CEP112: variants seen among roughly 807,000 people sequenced by gnomAD.
CEP112 encodes centrosomal protein of 112 kDa.
Under a neutral mutation model 153.0 loss-of-function variants are expected in CEP112, and 127 were observed. The ratio of observed to expected loss-of-function variants is 0.83; its 90% CI spans 0.72 to 0.96. The LOEUF is 0.96. Among genes scored for constraint, CEP112 ranks in the 40% least tolerant of loss-of-function variants. The probability of loss-of-function intolerance (pLI) is 0.00; values close to 1 mark genes in which losing one functional copy is unlikely to be tolerated. For synonymous variants in CEP112, 358 were observed against 374.4 expected, an observed-to-expected ratio of 0.96 and a Z score of 0.51; for missense variants, 1,089 against 1,101.2, an observed-to-expected ratio of 0.99 and a Z score of 0.16.
intron 24 of CEP112, among the ~76,000 whole-genome samples, chr17:65,670,702 A>G (rs1192388485): frequency 2.0e-5 from 3 of 152,228 alleles, no homozygotes; most frequent in African/African-American, 7.2e-5. Flanking sequence ...AAGCTTCACT[A>G]AAAAGGTCAG....
intron 20 of CEP112, among the ~76,000 whole-genome samples, chr17:65,901,605 ATG>A (rs1483086690): frequency 6.6e-6 from 1 of 152,134 alleles, no homozygotes; most frequent in African/African-American, 2.4e-5. Context: ...GCTAGGAGGC[ATG>A]TGTGTGTGCA....
At position 66,188,501 on chromosome 17, in the gene CEP112, G is replaced by A. The variant is rs917139522; in HGVS notation, c.-9+3496C>T. 2.7e-5 allele frequency among the ~76,000 whole-genome samples: 4 copies of A among 146,418 alleles called. No homozygotes were observed. The South Asian group carries it at 8.8e-4, about 32-fold the overall frequency. On this transcript the variant is annotated intron_variant, in intron 1 of 26. Coordinates refer to ENST00000535342, the MANE Select transcript of CEP112 (RefSeq NM_001199165.4). Reference sequence around the variant, plus strand: ...GCAGCTCAAATGTCACCTGAGTGAAGCTGGCCCCCCCTTGCCCTAGACTGG... The same window carrying A: ...GCAGCTCAAATGTCACCTGAGTGAAACTGGCCCCCCCTTGCCCTAGACTGG...
chr17:65,924,140 C>T (rs765909032), intron 19 of CEP112, among the ~76,000 whole-genome samples: 9 of 152,056 alleles, frequency 5.9e-5, no homozygotes, highest in Admixed American at 6.5e-5. Flanking sequence ...CCATGCCCGG[C>T]TAATTTTTTG....
At chr17:65,843,333 A>G (rs529687359) in intron 21 of CEP112, among the ~76,000 whole-genome samples, 74 of 152,296 alleles carry the variant, frequency 4.9e-4, no homozygotes, top group Non-Finnish European at 3.1e-4. Flanking sequence ...ATATTTGTGG[A>G]ACATAATAAA....
At chr17:66,127,464 T>G (rs1308989933) in intron 6 of CEP112, among the ~76,000 whole-genome samples, 1 of 152,208 alleles carries the variant, frequency 6.6e-6, no homozygotes, top group Non-Finnish European at 1.5e-5. Flanking sequence ...GTTTTTCTTT[T>G]GATTTATTAT....
intron 6 of CEP112, among the ~76,000 whole-genome samples, chr17:66,105,121 C>T (rs2068728655): frequency 6.6e-6 from 1 of 152,034 alleles, no homozygotes; most frequent in African/African-American, 2.4e-5. Context: ...ATAGAAACAA[C>T]AAAAAGTTAA....
At chr17:66,156,151 C>A (rs1003549500) in intron 4 of CEP112, among the ~76,000 whole-genome samples, 2 of 152,120 alleles carry the variant, frequency 1.3e-5, no homozygotes, top group Non-Finnish European at 1.5e-5. Flanking sequence ...TGGCATCTGG[C>A]GGATGCCCCT....
At chr17:65,821,509 TATAATTA>T (rs2056544117) in intron 21 of CEP112, among the ~76,000 whole-genome samples, 2 of 117,316 alleles carry the variant, frequency 1.7e-5, no homozygotes, top group African/African-American at 6.3e-5. Context: ...TATATATATA[TATAATTA>T]TATATATATA....
At chr17:65,943,296 T>G (rs1394924812) in intron 18 of CEP112, among the ~76,000 whole-genome samples, 2 of 152,234 alleles carry the variant, frequency 1.3e-5, no homozygotes, top group Non-Finnish European at 2.9e-5. Flanking sequence ...CAACATGTCT[T>G]ATATGTATGT....
At chr17:65,887,121 A>G (rs1029193299) in intron 20 of CEP112, among the ~76,000 whole-genome samples, 1 of 152,178 alleles carries the variant, frequency 6.6e-6, no homozygotes, top group African/African-American at 2.4e-5. Context: ...TTCCCCACCA[A>G]TGGATATGCC....
intron 8 of CEP112, among the ~76,000 whole-genome samples, chr17:66,076,534 C>T (rs2067505690): frequency 6.6e-6 from 1 of 152,124 alleles, no homozygotes; most frequent in South Asian, 2.1e-4. Flanking sequence ...CCCTATCCCC[C>T]ACAGCAGCCA....
At position 66,027,498 on chromosome 17, in the gene CEP112, T is replaced by G; in HGVS notation, c.1656+3A>C. 1.5e-6 allele frequency: 2 copies of G among 1,345,480 alleles called. No individual in the cohort carries two copies. The highest frequency in any genetic ancestry group is 2.0e-6 in the Non-Finnish European group (2 of 1,007,854). 83.3% of individuals were successfully genotyped at this position (1,345,480 alleles called of 1,614,324 possible). A position where few individuals can be genotyped will look rare whatever the true frequency, so the allele number is the denominator to read the frequency against. On this transcript the variant is annotated splice_donor_region_variant and intron_variant, in intron 16 of 26. Transcript: ENST00000535342. ...ATTTTATAGCTTCCATAAAACATAT[T>G]ACCTTTTTTTCATAGATGTGTTTTA...
chr17:66,060,918 T>C (rs1353953156), intron 11 of CEP112, among the ~76,000 whole-genome samples: 5 of 148,040 alleles, frequency 3.4e-5, no homozygotes, highest in Non-Finnish European at 7.5e-5. Context: ...CAAATGGGAT[T>C]ACATCAAACT....
intron 6 of CEP112, among the ~76,000 whole-genome samples, chr17:66,109,249 T>A (rs1388156487): frequency 6.6e-6 from 1 of 152,146 alleles, no homozygotes; most frequent in South Asian, 2.1e-4. Flanking sequence ...TGAACATTTT[T>A]AAATAACTAT....
chr17:66,137,313 A>G (rs570378642), intron 4 of CEP112, among the ~76,000 whole-genome samples: 29 of 152,256 alleles, frequency 1.9e-4, no homozygotes, highest in African/African-American at 7.0e-4. Flanking sequence ...AATGTTTTTA[A>G]AAGACTGAAG....
At chr17:65,707,293 C>G (rs974784476) in intron 23 of CEP112, among the ~76,000 whole-genome samples, 4 of 152,052 alleles carry the variant, frequency 2.6e-5, no homozygotes, top group African/African-American at 7.2e-5. Flanking sequence ...CAAAGAAAAA[C>G]CTTAAAAACA....
At chr17:65,968,040 CAG>C (rs2062478651) in intron 17 of CEP112, among the ~76,000 whole-genome samples, 2 of 151,988 alleles carry the variant, frequency 1.3e-5, no homozygotes, top group African/African-American at 2.4e-5. Context: ...ACCATATATG[CAG>C]AGTTTACATA....
At chr17:66,163,411 A>G (rs552125310) in intron 4 of CEP112, among the ~76,000 whole-genome samples, 2 of 152,328 alleles carry the variant, frequency 1.3e-5, no homozygotes, top group African/African-American at 2.4e-5. Context: ...TTCTTTGGGT[A>G]TATTACTAAA....
At chr17:66,162,459 T>A (rs1043592373) in intron 4 of CEP112, among the ~76,000 whole-genome samples, 6 of 152,176 alleles carry the variant, frequency 3.9e-5, no homozygotes, top group Non-Finnish European at 8.8e-5. Context: ...CTCAAAAAAA[T>A]GTGTATACTT....
Sources: allele counts gnomAD v4.1 joint callset (sites outside exome capture counted in the v4.1 genomes callset), GRCh38; gene constraint gnomAD v4.1.1; transcripts MANE v1.5; gene names NCBI Gene and HGNC (gene_info 2026-07-23, HGNC 2026-07-21).